The following CDKAL1 variants were observed in gnomAD, a reference collection of about 807,000 sequenced individuals.
The protein encoded by CDKAL1 is CDKAL1 threonylcarbamoyladenosine tRNA methylthiotransferase.
Under a neutral mutation model 68.2 loss-of-function variants are expected in CDKAL1, and 32 were observed. The ratio of observed to expected loss-of-function variants is 0.47; its 90% CI spans 0.35 to 0.63. The LOEUF is 0.63. Ranked by LOEUF, CDKAL1 falls within the 30% of genes least tolerant of loss-of-function variation. The pLI is 0.00. For missense variants in CDKAL1, 606 were observed against 696.7 expected (o/e 0.87, Z 1.47); for synonymous variants, 234 against 244.3 (o/e 0.96, Z 0.39).
intron 5 of CDKAL1, among the ~76,000 whole-genome samples, chr6:20,659,313 CT>C (rs1769176466): frequency 6.6e-6 from 1 of 151,996 alleles, no homozygotes; most frequent in Non-Finnish European, 1.5e-5. Context: ...TTTAACTCTT[CT>C]AATTATATGA....
intron 10 of CDKAL1, among the ~76,000 whole-genome samples, chr6:20,968,024 ATTCGC>A (rs1043858645): frequency 6.6e-6 from 1 of 151,968 alleles, no homozygotes; most frequent in Non-Finnish European, 1.5e-5. Context: ...TGCTGTCAGG[ATTCGC>A]TTTTTGTCTT....
At chr6:21,049,652 A>T (rs1282357160) in intron 11 of CDKAL1, among the ~76,000 whole-genome samples, 1 of 152,180 alleles carries the variant, frequency 6.6e-6, no homozygotes, top group Non-Finnish European at 1.5e-5. Context: ...GTTACAGGAT[A>T]AAAAACTTAT....
intron 8 of CDKAL1, among the ~76,000 whole-genome samples, chr6:20,784,412 C>CTTTCTTTTTTTTTTT (rs1775572357): frequency 6.0e-5 from 2 of 33,494 alleles, no homozygotes; most frequent in African/African-American, 2.3e-4. Context: ...TATTTTATTT[C>CTTTCTTTTTTTTTTT]TTTTTTTTTT....
intron 11 of CDKAL1, among the ~76,000 whole-genome samples, chr6:21,016,077 T>G (rs1432397080): frequency 6.6e-6 from 1 of 151,918 alleles, no homozygotes; most frequent in Non-Finnish European, 1.5e-5. Flanking sequence ...TTCACTGCCT[T>G]CAAATAATTC....
At chr6:20,910,921 C>A (rs543761287) in intron 9 of CDKAL1, among the ~76,000 whole-genome samples, 22 of 152,218 alleles carry the variant, frequency 1.4e-4, no homozygotes, top group Non-Finnish European at 2.9e-4. Flanking sequence ...AGATTGCCAG[C>A]AACCCACCCA....
chr6:20,600,771 C>CATATATATATATATATATATATATACAT (rs10522824), intron 4 of CDKAL1, among the ~76,000 whole-genome samples: 1 of 124,176 alleles, frequency 8.1e-6, no homozygotes, highest in African/African-American at 2.9e-5. Context: ...TATATGTATA[C>CATATATATATATATATATATATATACAT]ATATATATAT....
intron 10 of CDKAL1, among the ~76,000 whole-genome samples, chr6:20,958,958 T>C (rs1371702305): frequency 1.3e-5 from 2 of 152,220 alleles, no homozygotes; most frequent in Non-Finnish European, 2.9e-5. Context: ...AAAGTTTTTA[T>C]CATTATTTAA....
At chr6:21,040,754 C>T (rs562412680) in intron 11 of CDKAL1, among the ~76,000 whole-genome samples, 1 of 152,092 alleles carries the variant, frequency 6.6e-6, no homozygotes, top group Non-Finnish European at 1.5e-5. Context: ...ACATAATATA[C>T]CTATGATATA....
chr6:20,675,246 T>A (rs1442333933), intron 5 of CDKAL1, among the ~76,000 whole-genome samples: 1 of 152,220 alleles, frequency 6.6e-6, no homozygotes, highest in East Asian at 1.9e-4. Context: ...TTTTCAGCAC[T>A]CTGGAACAAT....
At chr6:20,936,265 T>G (rs1405312249) in intron 9 of CDKAL1, among the ~76,000 whole-genome samples, 2 of 142,404 alleles carry the variant, frequency 1.4e-5, no homozygotes, top group African/African-American at 5.2e-5. Flanking sequence ...TTTTTTTTTT[T>G]TTTGAGACGG....
chr6:20,675,830 G>A (rs371740519), intron 5 of CDKAL1, among the ~76,000 whole-genome samples: 6 of 152,162 alleles, frequency 3.9e-5, no homozygotes, highest in South Asian at 4.1e-4. Context: ...CCTCAGGCAG[G>A]TACTTCAGGA....
chr6:21,197,973 G>T, intron 13 of CDKAL1, 48 bp from the exon 14 acceptor site: 1 of 1,182,664 alleles, frequency 8.5e-7, no homozygotes, highest in Non-Finnish European at 1.2e-6. Flanking sequence ...TGGATTCACA[G>T]GTGTTTACCC....
chr6:20,839,106 C>CT (rs79544199), intron 8 of CDKAL1, among the ~76,000 whole-genome samples: 11,990 of 151,106 alleles, frequency 0.079, 778 homozygotes, highest in East Asian at 0.33. Context: ...CATTTTCTTG[C>CT]TTTTTTTTTC....
At chr6:20,757,100 T>C (rs1490694543) in intron 6 of CDKAL1, among the ~76,000 whole-genome samples, 1 of 151,946 alleles carries the variant, frequency 6.6e-6, no homozygotes, top group African/African-American at 2.4e-5. Flanking sequence ...ACCTGGCTAA[T>C]TTTTGTATTT....
chr6:21,104,274 T>C (rs968295618), intron 12 of CDKAL1, among the ~76,000 whole-genome samples: 2 of 152,178 alleles, frequency 1.3e-5, no homozygotes, highest in Non-Finnish European at 2.9e-5. Context: ...GCTTGGTACG[T>C]TCATCCCAAT....
intron 8 of CDKAL1, among the ~76,000 whole-genome samples, chr6:20,835,100 C>A (rs905477042): frequency 6.6e-6 from 1 of 151,990 alleles, no homozygotes; most frequent in African/African-American, 2.4e-5. Flanking sequence ...AAAGAAAGAA[C>A]AATAATTTCC....
At chr6:20,746,650 A>G (rs146393666) in intron 6 of CDKAL1, among the ~76,000 whole-genome samples, 3 of 152,332 alleles carry the variant, frequency 2.0e-5, no homozygotes, top group Admixed American at 6.5e-5. Flanking sequence ...TCGTTATGGT[A>G]AAGGGGAAAC....
chr6:20,985,222 C>G (rs1028320721), intron 10 of CDKAL1, among the ~76,000 whole-genome samples: 2 of 152,154 alleles, frequency 1.3e-5, no homozygotes, highest in African/African-American at 4.8e-5. Context: ...TTCATCATTG[C>G]TTTGGGTGTG....
intron 4 of CDKAL1, among the ~76,000 whole-genome samples, chr6:20,550,174 C>T (rs935622630): frequency 3.3e-5 from 5 of 151,800 alleles, no homozygotes; most frequent in African/African-American, 9.7e-5. Flanking sequence ...GATGGGGTTT[C>T]GCCATGGTAG....
Sources: allele counts gnomAD v4.1 joint callset (sites outside exome capture counted in the v4.1 genomes callset), GRCh38; gene constraint gnomAD v4.1.1; transcripts MANE v1.5; gene names NCBI Gene and HGNC (gene_info 2026-07-23, HGNC 2026-07-21).